Variants in CPQ observed in about 807,000 individuals in gnomAD.
The protein encoded by CPQ is Ser-Met dipeptidase.
CPQ carries 37 observed loss-of-function variants against 45.7 expected under a neutral mutation model. That is an observed-to-expected ratio of 0.81 (90% CI 0.62 to 1.07). The LOEUF (loss-of-function observed/expected upper bound fraction) is 1.07. Ranked by LOEUF, CPQ falls within the 50% of genes least tolerant of loss-of-function variation. CPQ has a pLI of 0.00. For synonymous variants in CPQ, 186 were observed against 205.8 expected (o/e 0.90, Z 0.82); for missense variants, 537 against 572.9 (o/e 0.94, Z 0.64).
intron 3 of CPQ, among the ~76,000 whole-genome samples, chr8:96,851,830 T>C (rs1811774949): frequency 6.6e-6 from 1 of 152,194 alleles, no homozygotes; most frequent in Non-Finnish European, 1.5e-5. Flanking sequence ...GAAGATGGAT[T>C]TTGAAAGTTA....
intron 1 of CPQ, among the ~76,000 whole-genome samples, chr8:96,679,962 G>A (rs1316392442): frequency 6.6e-6 from 1 of 151,768 alleles, no homozygotes; most frequent in Non-Finnish European, 1.5e-5. Flanking sequence ...GTTAATATTA[G>A]GTTTGATTTG....
At chr8:96,831,734 C>CA (rs1811463141) in intron 2 of CPQ, among the ~76,000 whole-genome samples, 1 of 152,076 alleles carries the variant, frequency 6.6e-6, no homozygotes, top group Non-Finnish European at 1.5e-5. Context: ...AGGAGGTCAT[C>CA]ACCATGGCTC....
chr8:97,013,458 C>T (rs1217798139), intron 5 of CPQ, among the ~76,000 whole-genome samples: 1 of 152,052 alleles, frequency 6.6e-6, no homozygotes, highest in Non-Finnish European at 1.5e-5. Context: ...CCTTGATTTA[C>T]CAGGGGCTGT....
chr8:96,822,166 G>A (rs1811315669), intron 2 of CPQ, among the ~76,000 whole-genome samples: 1 of 151,894 alleles, frequency 6.6e-6, no homozygotes, highest in African/African-American at 2.4e-5. Flanking sequence ...TTCTTTGTGT[G>A]CCTGGCCTAT....
At chr8:96,737,776 T>A (rs1810007840) in intron 1 of CPQ, among the ~76,000 whole-genome samples, 1 of 152,074 alleles carries the variant, frequency 6.6e-6, no homozygotes, top group Non-Finnish European at 1.5e-5. Flanking sequence ...TTTTTCACCC[T>A]TTCTTGTTTC....
intron 1 of CPQ, among the ~76,000 whole-genome samples, chr8:96,760,745 G>A (rs571315055): frequency 1.3e-5 from 2 of 152,260 alleles, no homozygotes; most frequent in African/African-American, 4.8e-5. Context: ...GCAATACGTA[G>A]GAACTGGGAC....
At chr8:96,981,383 T>C (rs1813893113) in intron 5 of CPQ, among the ~76,000 whole-genome samples, 1 of 152,224 alleles carries the variant, frequency 6.6e-6, no homozygotes, top group Non-Finnish European at 1.5e-5. Flanking sequence ...AGGAAATGTT[T>C]CAAAAGCTAT....
intron 4 of CPQ, among the ~76,000 whole-genome samples, chr8:96,908,013 G>GT (rs1166295789): frequency 6.6e-6 from 1 of 151,910 alleles, no homozygotes; most frequent in Non-Finnish European, 1.5e-5. Flanking sequence ...GAGTTCACAG[G>GT]TTTTTAACAT....
At chr8:96,967,651 C>T (rs1187248973) in intron 5 of CPQ, among the ~76,000 whole-genome samples, 1 of 152,110 alleles carries the variant, frequency 6.6e-6, no homozygotes, top group East Asian at 1.9e-4. Flanking sequence ...TAATTTGGGA[C>T]TTAAATCTCC....
intron 7 of CPQ, among the ~76,000 whole-genome samples, chr8:97,085,086 T>C (rs1811018686): frequency 6.6e-6 from 1 of 152,142 alleles, no homozygotes; most frequent in Non-Finnish European, 1.5e-5. Flanking sequence ...ATATATGTAA[T>C]TATTACAATA....
chr8:97,124,174 C>T (rs1271466549), intron 7 of CPQ, among the ~76,000 whole-genome samples: 2 of 132,298 alleles, frequency 1.5e-5, no homozygotes, highest in Non-Finnish European at 3.1e-5. Flanking sequence ...TGCAGTGAGC[C>T]GAGATTGCAC....
chr8:97,009,004 G>C (rs923325407), intron 5 of CPQ, among the ~76,000 whole-genome samples: 1 of 152,218 alleles, frequency 6.6e-6, no homozygotes, highest in African/African-American at 2.4e-5. Flanking sequence ...TTGCTGACCT[G>C]GTTGGCTGAA....
chr8:96,777,929 C>G (rs1048707706), intron 1 of CPQ, among the ~76,000 whole-genome samples: 11 of 150,452 alleles, frequency 7.3e-5, no homozygotes, highest in Non-Finnish European at 1.3e-4. Context: ...AGGGTTTCAC[C>G]GTGTTAGCCA....
intron 6 of CPQ, among the ~76,000 whole-genome samples, chr8:97,041,621 T>C (rs1007430612): frequency 6.6e-6 from 1 of 152,172 alleles, no homozygotes; most frequent in Admixed American, 6.5e-5. Flanking sequence ...GGCTGTGGGT[T>C]TGTCATAGAT....
At chr8:96,760,440 C>A (rs943253032) in intron 1 of CPQ, among the ~76,000 whole-genome samples, 6 of 152,092 alleles carry the variant, frequency 3.9e-5, no homozygotes, top group South Asian at 2.1e-4. Flanking sequence ...GTCTGTCAGA[C>A]CTTATAGCCC....
rs572087052 is a variant in CPQ, at chr8:96,725,606, G to C, written c.-34-59258G>C. 3.8e-4 allele frequency among the ~76,000 whole-genome samples: 58 copies of C among 152,308 alleles called. No homozygotes were observed. In the South Asian group the frequency reaches 7.0e-3, roughly 18 times the overall value. On this transcript the variant is annotated intron_variant, in intron 1 of 7. Transcript: ENST00000220763. Reference sequence around the variant, plus strand: ...TAACAGATGCTGGTGAGGCTGAGGAGAAAAGGGAATGCTTATATGCTGGTG... The same window carrying C: ...TAACAGATGCTGGTGAGGCTGAGGACAAAAGGGAATGCTTATATGCTGGTG...
At chr8:96,672,273 T>C (rs1461001300) in intron 1 of CPQ, among the ~76,000 whole-genome samples, 1 of 152,140 alleles carries the variant, frequency 6.6e-6, no homozygotes, top group African/African-American at 2.4e-5. Context: ...GGTTGTATAG[T>C]ACACAGTCAG....
intron 1 of CPQ, among the ~76,000 whole-genome samples, chr8:96,719,036 G>C (rs1173917620): frequency 6.6e-6 from 1 of 152,244 alleles, no homozygotes; most frequent in East Asian, 1.9e-4. Flanking sequence ...AGTAGATCCC[G>C]CACCGGGGCT....
chr8:96,920,250 G>T (rs1449584508), intron 4 of CPQ, among the ~76,000 whole-genome samples: 1 of 152,158 alleles, frequency 6.6e-6, no homozygotes, highest in East Asian at 1.9e-4. Context: ...TAAGGAAGCA[G>T]TGGCACTTTC....
Sources: allele counts gnomAD v4.1 joint callset (sites outside exome capture counted in the v4.1 genomes callset), GRCh38; gene constraint gnomAD v4.1.1; transcripts MANE v1.5; gene names NCBI Gene and HGNC (gene_info 2026-07-23, HGNC 2026-07-21).